HELZ: variants seen among roughly 807,000 people sequenced by gnomAD.
The protein encoded by HELZ is helicase with zinc finger.
In HELZ, 23 loss-of-function variants were observed where a neutral mutation model predicts 218.2. The ratio of observed to expected loss-of-function variants is 0.11; its 90% CI spans 0.08 to 0.15. HELZ has a LOEUF of 0.15. Among genes scored for constraint, HELZ ranks in the 10% least tolerant of loss-of-function variants. The pLI, the probability that HELZ is intolerant of heterozygous loss-of-function variation, is 1.00. For missense variants in HELZ, 1,813 were observed against 2,353.7 expected, an observed-to-expected ratio of 0.77 and a Z score of 4.75; for synonymous variants, 814 against 829.4, an observed-to-expected ratio of 0.98 and a Z score of 0.32.
At chr17:67,222,520 A>G (rs1263197663) in intron 3 of HELZ, among the ~76,000 whole-genome samples, 1 of 152,218 alleles carries the variant, frequency 6.6e-6, no homozygotes. Flanking sequence ...TCAGAAGTGG[A>G]TATCTACCCC....
At chr17:67,119,840 A>T (rs745509631) in intron 27 of HELZ, 12 of 345,326 alleles carry the variant, frequency 3.5e-5, no homozygotes, top group Non-Finnish European at 6.6e-5. Flanking sequence ...CAAATTTAAT[A>T]TTTTTTTCAG....
intron 22 of HELZ, among the ~76,000 whole-genome samples, chr17:67,136,719 C>A (rs1338731969): frequency 6.6e-6 from 1 of 152,048 alleles, no homozygotes; most frequent in Non-Finnish European, 1.5e-5. Context: ...TATATAATTC[C>A]ATTTATATGA....
intron 13 of HELZ, among the ~76,000 whole-genome samples, chr17:67,174,072 A>C (rs965657856): frequency 6.6e-6 from 1 of 152,232 alleles, no homozygotes; most frequent in African/African-American, 2.4e-5. Flanking sequence ...AAGTAAAACA[A>C]ATCTCAAAAG....
At position 67,173,283 on chromosome 17, in the gene HELZ, A is replaced by G. The variant is rs116458689; in HGVS notation, c.1430+5376T>C. The stretch of plus-strand genomic sequence containing the variant: ...AATATTAAAATATGTACTTTTTGAA[A>G]TTTAGTAACTCAGAAATACCTAAAC... On this transcript the variant is annotated intron_variant, in intron 13 of 32. Transcript: ENST00000358691. Among the ~76,000 whole-genome samples, 705 of 152,318 alleles carry G rather than the reference A, an allele frequency of 4.6e-3. 7 individuals carry two copies. Among genetic ancestry groups the G allele is most frequent in the African/African-American group, 0.016 (670 of 41,582 alleles).
chr17:67,122,756 T>G (rs2037653809), intron 26 of HELZ, among the ~76,000 whole-genome samples: 4 of 152,168 alleles, frequency 2.6e-5, no homozygotes, highest in Admixed American at 2.6e-4. Flanking sequence ...AATTGAATTA[T>G]AATTTCTTCA....
rs533567607 is a variant in HELZ, at chr17:67,084,595, G to A, written c.5494+2234C>T. Among the ~76,000 whole-genome samples the A allele has an allele frequency of 2.7e-3, 413 of 151,602 alleles. 1 individual carries two copies. The highest frequency in any genetic ancestry group is 8.3e-3 in the South Asian group (40 of 4,808). ...GAAGAATGACGTGAACCCGGGAGGC[G>A]GAGCTTGCAGTGAGCCGAGATCGCG... is the stretch of plus-strand genomic sequence containing the variant. On this transcript the variant is annotated intron_variant, in intron 32 of 32. Coordinates refer to ENST00000358691, the MANE Select transcript of HELZ (RefSeq NM_014877.4).
intron 17 of HELZ, among the ~76,000 whole-genome samples, chr17:67,153,671 C>A (rs541683814): frequency 6.6e-6 from 1 of 152,190 alleles, no homozygotes; most frequent in African/African-American, 2.4e-5. Context: ...AAACAGAAGC[C>A]CCCCCACTTC....
Position 67,174,429 on chromosome 17 carries a change from C to CA in HELZ, c.1430+4229dup, listed in dbSNP as rs1052996249. Reference sequence around the variant, plus strand: ...ATGGGTTCAAGTGATCCTCCTGCCTCAGTCTCTTGCAACCCTTACCATCAA... The same window carrying CA: ...ATGGGTTCAAGTGATCCTCCTGCCTCAAGTCTCTTGCAACCCTTACCATCAA... On this transcript the variant is annotated intron_variant, in intron 13 of 32. Coordinates refer to ENST00000358691, the MANE Select transcript of HELZ (RefSeq NM_014877.4). Among the ~76,000 whole-genome samples the CA allele has an allele frequency of 2.1e-4, 32 of 152,162 alleles. 1 individual carries two copies. Among genetic ancestry groups the CA allele is most frequent in the African/African-American group, 7.5e-4 (31 of 41,428 alleles).
chr17:67,229,019 A>ATACATAAT (rs1340466260), intron 3 of HELZ, among the ~76,000 whole-genome samples: 1 of 151,946 alleles, frequency 6.6e-6, no homozygotes, highest in African/African-American at 2.4e-5. Flanking sequence ...CACCCAGCTG[A>ATACATAAT]TACATAATTA....
intron 28 of HELZ, among the ~76,000 whole-genome samples, chr17:67,112,573 C>T (rs76888692): frequency 3.3e-5 from 5 of 152,220 alleles, no homozygotes. Context: ...GGTACTGAAT[C>T]CTTCCATATA....
chr17:67,194,416 T>C (rs2039972545), intron 8 of HELZ, among the ~76,000 whole-genome samples: 1 of 152,144 alleles, frequency 6.6e-6, no homozygotes, highest in Non-Finnish European at 1.5e-5. Context: ...AAAAAAATCA[T>C]TGTATCCTGG....
rs11653020 is a variant in HELZ, at chr17:67,108,627, G to A, written c.4589C>T (p.Ala1530Val). Residue 1530 changes from alanine (A) to valine (V), a missense_variant, in exon 30 of 33, where the codon GCT (alanine) becomes GTT (valine). Coordinates refer to ENST00000358691, the MANE Select transcript of HELZ (RefSeq NM_014877.4). The surrounding 1 kb of genome is among the most constrained non-coding windows in gnomAD (Gnocchi z 4.1). Reference sequence around the variant, plus strand: ...AGGATGGTGATGGTGTGGGTATGGAGCGCTGCCCTGACTGAGAAAGGCATG... The same window carrying A: ...AGGATGGTGATGGTGTGGGTATGGAACGCTGCCCTGACTGAGAAAGGCATG... The part of the protein sequence containing the change: ...EHHAFLSQGS[A>V]PYPHHHHPHL... The A allele has an allele frequency of 0.94, 1,521,187 of 1,613,956 alleles. 717,361 individuals carry two copies. The highest frequency in any genetic ancestry group is 1 in the East Asian group (44,852 of 44,858).
chr17:67,156,771 C>G (rs1040894397), intron 17 of HELZ, among the ~76,000 whole-genome samples: 1 of 151,996 alleles, frequency 6.6e-6, no homozygotes, highest in African/African-American at 2.4e-5. Context: ...AAGACCTCAC[C>G]TCTGAGCTCC....
chr17:67,242,676 C>T (rs759561173), intron 2 of HELZ, among the ~76,000 whole-genome samples: 1 of 151,882 alleles, frequency 6.6e-6, no homozygotes, highest in East Asian at 1.9e-4. Flanking sequence ...CATATTTGCT[C>T]TGCCAAAAAT....
At chr17:67,207,571 A>G (rs1197208177) in intron 5 of HELZ, among the ~76,000 whole-genome samples, 1 of 152,188 alleles carries the variant, frequency 6.6e-6, no homozygotes, top group Non-Finnish European at 1.5e-5. Context: ...GTTTTATTAA[A>G]GAGCTTAGCC....
intron 12 of HELZ, among the ~76,000 whole-genome samples, chr17:67,186,755 T>C (rs1457117330): frequency 6.6e-6 from 1 of 152,194 alleles, no homozygotes; most frequent in Non-Finnish European, 1.5e-5. Context: ...ATTTCTAAAA[T>C]ACAACCCACA....
chr17:67,084,531 C>T (rs549392777), intron 32 of HELZ, among the ~76,000 whole-genome samples: 2 of 151,932 alleles, frequency 1.3e-5, no homozygotes, highest in Non-Finnish European at 1.5e-5. Context: ...GGCGTGGTGG[C>T]GGGCGCCTGT....
chr17:67,104,229 T>C (rs1246655235), intron 31 of HELZ, among the ~76,000 whole-genome samples: 1 of 151,826 alleles, frequency 6.6e-6, no homozygotes, highest in Admixed American at 6.6e-5. Flanking sequence ...GGTCAGGAGA[T>C]TGAGACTATC....
chr17:67,215,911 C>T lies in HELZ; in HGVS notation c.235G>A (p.Asp79Asn). The T allele has an allele frequency of 6.4e-7, 1 of 1,554,520 alleles. No individual in the cohort carries two copies. The highest frequency in any genetic ancestry group is 8.9e-7 in the Non-Finnish European group (1 of 1,128,928). The change falls in exon 5 of 33, where the codon GAT (aspartate) becomes AAT (asparagine). Residue 79 changes from aspartate to asparagine, a missense_variant. By Grantham distance (23) the Asp-to-Asn change is conservative. Coordinates refer to ENST00000358691, the MANE Select transcript of HELZ (RefSeq NM_014877.4). ...QLKNYVQADE[D>N]CRHVLGEGLA... Reference sequence around the variant, plus strand: ...TTTTTAAACATACCATGTCTACAATCTTCATCAGCTTGCACATAATTTTTC... The same window carrying T: ...TTTTTAAACATACCATGTCTACAATTTTCATCAGCTTGCACATAATTTTTC...
Sources: gnomAD v4.1 joint callset for allele counts (sites outside exome capture counted in the v4.1 genomes callset) on GRCh38, gnomAD v4.1.1 for gene constraint, Gnocchi (gnomAD v3.1) non-coding constraint, MANE v1.5 for transcripts, NCBI Gene and HGNC (gene_info 2026-07-23, HGNC 2026-07-21) for gene names.